The following IL23R variants were observed in gnomAD, a reference collection of about 807,000 sequenced individuals.
The protein encoded by IL23R is interleukin 23 receptor.
Under a neutral mutation model 56.9 loss-of-function variants are expected in IL23R, and 34 were observed. That is an observed-to-expected ratio of 0.60 (90% CI 0.45 to 0.80). The LOEUF is 0.80. Ranked by LOEUF, IL23R falls within the 30% of genes least tolerant of loss-of-function variation. The pLI is 0.00. For synonymous variants in IL23R, 230 were observed against 249.2 expected (o/e 0.92, Z 0.73); for missense variants, 635 against 730.0 (o/e 0.87, Z 1.50).
chr1:67,141,673 C>T (rs1021924608), intron 1 of IL23R, among the ~76,000 whole-genome samples: 11 of 152,012 alleles, frequency 7.2e-5, no homozygotes, highest in East Asian at 1.9e-4. Context: ...TAGAAGGATC[C>T]CTTGAGCCCT....
At chr1:67,211,290 G>A (rs1649452476) in intron 6 of IL23R, among the ~76,000 whole-genome samples, 1 of 152,210 alleles carries the variant, frequency 6.6e-6, no homozygotes, top group Admixed American at 6.5e-5. Flanking sequence ...TGGGGTCCTT[G>A]TATAGTATCA....
In IL23R at chr1:67,259,964, G is replaced by GAA. The variant is rs1653144242; in HGVS notation, c.*836_*837insAA. On this transcript the variant is annotated 3_prime_UTR_variant, in exon 11 of 11. Transcript: ENST00000347310. ...GGGCAACAAGAGCAAAACTCTGTCT[G>GAA]GAAAAAAAAAAAAAAAAAAAAAAAA... 1 of 30,094 alleles carries GAA rather than the reference G, an allele frequency of 3.3e-5. No individual in the cohort carries two copies. The highest frequency in any genetic ancestry group is 5.3e-5 in the Non-Finnish European group (1 of 18,720). The allele number at this position is 30,094 out of a possible 1,614,324, so 1.9% of individuals were successfully genotyped here.
chr1:67,207,593 G>A (rs888589416), intron 6 of IL23R: 59 of 376,772 alleles, frequency 1.6e-4, no homozygotes, highest in Non-Finnish European at 3.0e-4. Context: ...GCGTTTATCA[G>A]AGGTTTCCGC....
Position 67,160,108 on chromosome 1 carries a change from C to T in IL23R, c.-633-7984C>T, listed in dbSNP as rs538618865. 1.2e-4 allele frequency among the ~76,000 whole-genome samples: 19 copies of T among 152,256 alleles called. No homozygotes were observed. In the South Asian group the frequency reaches 3.9e-3, roughly 32 times the overall value. On this transcript the variant is annotated intron_variant, in intron 1 of 10. Transcript: ENST00000637002. ...ACTCAAGCAATCCACCCACCTTGACCTCCAAAAGTGTTGGGATTACAGGCA... is the reference window on the plus strand; with the variant it reads ...ACTCAAGCAATCCACCCACCTTGACTTCCAAAAGTGTTGGGATTACAGGCA...
chr1:67,227,985 TC>T (rs567877528), intron 7 of IL23R, among the ~76,000 whole-genome samples: 2 of 77,090 alleles, frequency 2.6e-5, no homozygotes, highest in South Asian at 6.6e-4. Flanking sequence ...TTTCTTTCTT[TC>T]TTTCTTTCTT....
chr1:67,150,367 T>C (rs1646717456), intron 1 of IL23R, among the ~76,000 whole-genome samples: 1 of 150,832 alleles, frequency 6.6e-6, no homozygotes, highest in Non-Finnish European at 1.5e-5. Context: ...ACCCGTCATC[T>C]AGATTTTAAG....
chr1:67,187,966 C>T (rs1165080757), intron 4 of IL23R, among the ~76,000 whole-genome samples: 14 of 152,172 alleles, frequency 9.2e-5, no homozygotes, highest in Admixed American at 2.6e-4. Context: ...GCAGGAGAAT[C>T]GCTTGAACCT....
intron 8 of IL23R, 68 bp downstream of exon 8, chr1:67,236,870 G>GA (rs1279723080): frequency 5.2e-5 from 53 of 1,010,470 alleles, no homozygotes; most frequent in East Asian, 2.9e-4. Flanking sequence ...CCATCATACT[G>GA]AAAAAATCAC....
chr1:67,228,363 C>CTTTTTTTTTTTTTTT lies in IL23R; in HGVS notation c.956-8349_956-8335dup, dbSNP rs78083258. 2.1e-3 allele frequency among the ~76,000 whole-genome samples: 221 copies of CTTTTTTTTTTTTTTT among 105,760 alleles called. 1 individual carries two copies. Among genetic ancestry groups the CTTTTTTTTTTTTTTT allele is most frequent in the East Asian group, 4.9e-3 (13 of 2,638 alleles). 69.4% of individuals were successfully genotyped at this position (105,760 alleles called of 152,430 possible). On this transcript the variant is annotated intron_variant, in intron 7 of 10. Coordinates refer to ENST00000347310, the MANE Select transcript of IL23R (RefSeq NM_144701.3). ...CATACCCAGCTAATTTTTTTTCTTC[C>CTTTTTTTTTTTTTTT]TTTTTTTTTTTTTTTGTAGAGACAG...
At chr1:67,212,130 T>C (rs902589250) in intron 6 of IL23R, among the ~76,000 whole-genome samples, 6 of 152,212 alleles carry the variant, frequency 3.9e-5, no homozygotes, top group Non-Finnish European at 7.3e-5. Context: ...ATTATTTTTT[T>C]CAGAAAGTTT....
chr1:67,188,502 A>G (rs192275788), intron 4 of IL23R, among the ~76,000 whole-genome samples: 14 of 152,346 alleles, frequency 9.2e-5, no homozygotes, highest in African/African-American at 3.4e-4. Flanking sequence ...CTGTGAAATG[A>G]GGATAATTAA....
rs1646895621 is a variant in IL23R at position 67,168,115 on chromosome 1, C to T, written c.-6C>T. The T allele has an allele frequency of 6.2e-7, 1 of 1,600,796 alleles. No homozygotes were observed. Among genetic ancestry groups the T allele is most frequent in the Non-Finnish European group, 8.6e-7 (1 of 1,168,292 alleles). On this transcript the variant is annotated 5_prime_UTR_variant, in exon 2 of 11. Transcript: ENST00000347310. ...AGAGGGAAACAGTCTTTTCCTGCTT[C>T]CAGACATGAATCAGGTCACTATTCA...
At chr1:67,193,977 G>T (rs958177140) in intron 4 of IL23R, among the ~76,000 whole-genome samples, 3 of 152,260 alleles carry the variant, frequency 2.0e-5, no homozygotes, top group East Asian at 1.9e-4. Context: ...CACTCCTCAG[G>T]TTTGATTAAC....
Position 67,166,981 on chromosome 1 carries a change from A to G in IL23R, c.-30+440A>G, listed in dbSNP as rs1303858325. Among the ~76,000 whole-genome samples, 4 of 152,360 alleles carry G rather than the reference A, an allele frequency of 2.6e-5. No homozygotes were observed. In the East Asian group the frequency reaches 7.7e-4, roughly 29 times the overall value. On this transcript the variant is annotated intron_variant, in intron 1 of 10. Coordinates refer to ENST00000347310, the MANE Select transcript of IL23R (RefSeq NM_144701.3). ...AATAATGTTGATCATTGAGTAAATG[A>G]GTTAATTCATGTAACTGATTAATCA... is the stretch of plus-strand genomic sequence containing the variant.
chr1:67,229,968 A>T (rs939587745), intron 7 of IL23R, among the ~76,000 whole-genome samples: 13 of 152,252 alleles, frequency 8.5e-5, no homozygotes, highest in Admixed American at 2.6e-4. Context: ...GGTAGCTGAA[A>T]ATCAGTAGAA....
chr1:67,172,730 C>G (rs1012962806), intron 3 of IL23R, among the ~76,000 whole-genome samples: 3 of 152,166 alleles, frequency 2.0e-5, no homozygotes, highest in African/African-American at 7.2e-5. Context: ...ATAAAAGCCT[C>G]TGAATATTTG....
chr1:67,230,881 AC>A (rs1381462010), intron 7 of IL23R, among the ~76,000 whole-genome samples: 2 of 152,162 alleles, frequency 1.3e-5, no homozygotes, highest in African/African-American at 4.8e-5. Flanking sequence ...TTGAATTCTG[AC>A]CACAGAGCTA....
chr1:67,205,358 A>C (rs886092307), intron 5 of IL23R, among the ~76,000 whole-genome samples: 1 of 152,368 alleles, frequency 6.6e-6, no homozygotes, highest in Non-Finnish European at 1.5e-5. Context: ...TTTCTTAAAG[A>C]AAGTTTTATA....
intron 1 of IL23R, among the ~76,000 whole-genome samples, chr1:67,154,003 C>T (rs559910079): frequency 3.8e-4 from 58 of 152,270 alleles, no homozygotes; most frequent in African/African-American, 1.1e-3. Context: ...CTCCTGACCT[C>T]GTGATCTGCC....
Sources: gnomAD v4.1 joint callset for allele counts (sites outside exome capture counted in the v4.1 genomes callset) on GRCh38, gnomAD v4.1.1 for gene constraint, MANE v1.5 for transcripts, NCBI Gene and HGNC (gene_info 2026-07-23, HGNC 2026-07-21) for gene names.